GABRG3: variants seen among roughly 807,000 people sequenced by gnomAD.
GABRG3 encodes the protein gamma-aminobutyric acid type A receptor subunit gamma3.
A neutral mutation model predicts 48.8 loss-of-function variants in GABRG3; 25 were observed. The observed-to-expected ratio is 0.51, with a 90% confidence interval of 0.37 to 0.72. The LOEUF (loss-of-function observed/expected upper bound fraction) is 0.72. Ranked by LOEUF, GABRG3 falls within the 30% of genes least tolerant of loss-of-function variation. The pLI is 0.00. For missense variants in GABRG3, 394 were observed against 577.9 expected, an observed-to-expected ratio of 0.68 and a Z score of 3.26; for synonymous variants, 227 against 217.6, an observed-to-expected ratio of 1.04 and a Z score of -0.38.
At chr15:27,070,426 C>T (rs569333054) in intron 3 of GABRG3, among the ~76,000 whole-genome samples, 1 of 152,272 alleles carries the variant, frequency 6.6e-6, no homozygotes, top group South Asian at 2.1e-4. Context: ...GGCTTCCCTC[C>T]TCTGTTCAAT....
In GABRG3 at chr15:27,136,392, C is replaced by T. The variant is rs146449891; in HGVS notation, c.270+109571C>T. 3.9e-5 allele frequency among the ~76,000 whole-genome samples: 6 copies of T among 152,212 alleles called. No individual in the cohort carries two copies. In the East Asian group the frequency reaches 1.2e-3, roughly 29 times the overall value. On this transcript the variant is annotated intron_variant, in intron 3 of 9. Transcript: ENST00000615808. ...TTTTTTGACTGCATGTTCTAATACCCTTAAATTATGTCTGAACATAATTGA... is the reference window on the plus strand; with the variant it reads ...TTTTTTGACTGCATGTTCTAATACCTTTAAATTATGTCTGAACATAATTGA...
intron 3 of GABRG3, among the ~76,000 whole-genome samples, chr15:27,065,248 C>A (rs964162290): frequency 6.6e-6 from 1 of 152,208 alleles, no homozygotes; most frequent in Non-Finnish European, 1.5e-5. Flanking sequence ...TGCAGGAATT[C>A]TGCTTTATGA....
intron 6 of GABRG3, chr15:27,483,152 A>G (rs1344652920): frequency 1.3e-5 from 2 of 152,240 alleles, no homozygotes; most frequent in Non-Finnish European, 2.9e-5. Context: ...AACAACAGAA[A>G]CAACGTGTTG....
At chr15:27,494,194 T>G (rs1890425480) in intron 6 of GABRG3, among the ~76,000 whole-genome samples, 1 of 152,124 alleles carries the variant, frequency 6.6e-6, no homozygotes, top group South Asian at 2.1e-4. Context: ...TAACTACTCT[T>G]ATAAATATTA....
chr15:27,075,978 G>A (rs933756508), intron 3 of GABRG3, among the ~76,000 whole-genome samples: 1 of 152,168 alleles, frequency 6.6e-6, no homozygotes, highest in Non-Finnish European at 1.5e-5. Flanking sequence ...TAGTGTTTGC[G>A]CAGCATGTGA....
chr15:27,383,228 G>C (rs929564079), intron 5 of GABRG3, among the ~76,000 whole-genome samples: 1 of 152,198 alleles, frequency 6.6e-6, no homozygotes, highest in African/African-American at 2.4e-5. Flanking sequence ...TCTGAGGATA[G>C]TACTTTAATT....
At position 27,457,962 on chromosome 15, in the gene GABRG3, G is replaced by A. The variant is rs1889332936; in HGVS notation, c.575-22688G>A. ...CTTATTGATGTAGCTGAAAGAGGAG[G>A]CAGAAACAGCCTGTGACCATCTGCT... On this transcript the variant is annotated intron_variant, in intron 5 of 9. Transcript: ENST00000615808. The surrounding 1 kb of genome is among the most constrained non-coding windows in gnomAD (Gnocchi z 4.4). 6.6e-6 allele frequency among the ~76,000 whole-genome samples: 1 copy of A among 152,142 alleles called. No individual in the cohort carries two copies. The highest frequency in any genetic ancestry group is 6.5e-5 in the Admixed American group (1 of 15,282).
intron 3 of GABRG3, among the ~76,000 whole-genome samples, chr15:27,288,322 T>C (rs1421427973): frequency 1.3e-5 from 2 of 152,106 alleles, no homozygotes; most frequent in Non-Finnish European, 2.9e-5. Flanking sequence ...CTATTATTGT[T>C]ATATTGTAAT....
intron 5 of GABRG3, among the ~76,000 whole-genome samples, chr15:27,335,992 A>G (rs981211169): frequency 3.9e-5 from 6 of 152,220 alleles, no homozygotes; most frequent in African/African-American, 1.4e-4. Context: ...GTTTGAGACC[A>G]GCGTGACCAA....
intron 3 of GABRG3, among the ~76,000 whole-genome samples, chr15:27,218,304 A>G (rs1046502417): frequency 6.6e-6 from 1 of 152,144 alleles, no homozygotes; most frequent in African/African-American, 2.4e-5. Context: ...CCCTGTTGTC[A>G]ACGTTCTGTC....
intron 3 of GABRG3, among the ~76,000 whole-genome samples, chr15:27,134,416 C>CG (rs1191141378): frequency 3.3e-5 from 5 of 152,064 alleles, no homozygotes; most frequent in African/African-American, 1.2e-4. Context: ...CCAAACCTCC[C>CG]TTTTTTAGAA....
intron 3 of GABRG3, among the ~76,000 whole-genome samples, chr15:27,323,488 A>G (rs1893500581): frequency 6.6e-6 from 1 of 152,178 alleles, no homozygotes; most frequent in South Asian, 2.1e-4. Flanking sequence ...AAAAATGCCC[A>G]TATGTGCCTC....
intron 3 of GABRG3, among the ~76,000 whole-genome samples, chr15:27,052,247 G>T (rs1433056255): frequency 6.6e-6 from 1 of 152,176 alleles, no homozygotes; most frequent in Non-Finnish European, 1.5e-5. Context: ...TTTGTCTCTT[G>T]AGAGTGCTGA....
intron 3 of GABRG3, among the ~76,000 whole-genome samples, chr15:27,250,201 G>C (rs1890410353): frequency 2.6e-5 from 4 of 152,110 alleles, no homozygotes; most frequent in Admixed American, 2.6e-4. Flanking sequence ...GAAACCCCTA[G>C]AGGAGCACCA....
At chr15:27,507,042 T>C (rs550469563) in intron 6 of GABRG3, among the ~76,000 whole-genome samples, 6 of 152,216 alleles carry the variant, frequency 3.9e-5, no homozygotes, top group Admixed American at 3.9e-4. Flanking sequence ...CAGTTCAAAA[T>C]ATTTTTAATT....
At chr15:27,453,932 G>T (rs1889185811) in intron 5 of GABRG3, among the ~76,000 whole-genome samples, 1 of 152,058 alleles carries the variant, frequency 6.6e-6, no homozygotes, top group East Asian at 1.9e-4. Flanking sequence ...CCATTCCCTT[G>T]TCCAGCATTC....
chr15:27,413,051 T>C (rs576139859), intron 5 of GABRG3, among the ~76,000 whole-genome samples: 3 of 152,318 alleles, frequency 2.0e-5, no homozygotes, highest in Admixed American at 6.5e-5. Context: ...ATTTGTTTTA[T>C]ATTTATTTTT....
intron 3 of GABRG3, among the ~76,000 whole-genome samples, chr15:27,104,929 CA>C (rs1309277366): frequency 1.3e-5 from 2 of 152,152 alleles, no homozygotes; most frequent in African/African-American, 2.4e-5. Context: ...TGTCAATAAT[CA>C]CTTTAAGTCT....
intron 2 of GABRG3, among the ~76,000 whole-genome samples, chr15:27,024,166 T>C (rs1385236420): frequency 6.6e-6 from 1 of 152,204 alleles, no homozygotes; most frequent in Non-Finnish European, 1.5e-5. Flanking sequence ...TAGTTTGTTT[T>C]TGTTGTTGAG....
Sources: allele counts gnomAD v4.1 joint callset (sites outside exome capture counted in the v4.1 genomes callset), GRCh38; gene constraint gnomAD v4.1.1; non-coding constraint Gnocchi (gnomAD v3.1); transcripts MANE v1.5; gene names NCBI Gene and HGNC (gene_info 2026-07-23, HGNC 2026-07-21).